The following ATRN variants were observed in gnomAD, a reference collection of about 807,000 sequenced individuals.
The protein encoded by ATRN is attractin.
Under a neutral mutation model 178.7 loss-of-function variants are expected in ATRN, and 54 were observed. The observed-to-expected ratio is 0.30, with a 90% confidence interval of 0.24 to 0.38. The LOEUF is 0.38. ATRN is among the 10% of genes least tolerant of loss of function. ATRN has a pLI of 1.00. For missense variants in ATRN, 1,443 were observed against 1,815.1 expected (o/e 0.79, Z 3.73); for synonymous variants, 636 against 663.0 (o/e 0.96, Z 0.63).
chr20:3,528,361 C>T (rs576104547), intron 1 of ATRN, among the ~76,000 whole-genome samples: 8 of 141,288 alleles, frequency 5.7e-5, no homozygotes, highest in South Asian at 2.1e-4. Flanking sequence ...GGCGAAACTC[C>T]GTCTCAAAAA....
intron 1 of ATRN, among the ~76,000 whole-genome samples, chr20:3,506,190 T>C (rs2085041482): frequency 6.6e-6 from 1 of 152,212 alleles, no homozygotes; most frequent in Admixed American, 6.5e-5. Flanking sequence ...TTTAAAATGT[T>C]GCCATTTAGG....
chr20:3,508,070 T>C (rs1438390133), intron 1 of ATRN, among the ~76,000 whole-genome samples: 1 of 151,876 alleles, frequency 6.6e-6, no homozygotes, highest in African/African-American at 2.4e-5. Flanking sequence ...AGAAAAAGGC[T>C]GGGCGTGATG....
At chr20:3,545,982 A>T in intron 4 of ATRN, 92 bp downstream of exon 4, 1 of 1,394,342 alleles carries the variant, frequency 7.2e-7, no homozygotes. Flanking sequence ...ATTGAGAGCC[A>T]GGCATAGCGT....
chr20:3,599,554 C>T (rs977035677), intron 22 of ATRN, among the ~76,000 whole-genome samples: 3 of 152,146 alleles, frequency 2.0e-5, no homozygotes, highest in Non-Finnish European at 4.4e-5. Context: ...TTGAGCAATA[C>T]AGGTTAAAAC....
intron 1 of ATRN, among the ~76,000 whole-genome samples, chr20:3,529,875 A>C (rs367788343): frequency 6.6e-6 from 1 of 152,214 alleles, no homozygotes; most frequent in Non-Finnish European, 1.5e-5. Flanking sequence ...ATGCAAACAG[A>C]TTATATATTG....
At chr20:3,565,159 C>T (rs12480859) in intron 10 of ATRN, among the ~76,000 whole-genome samples, 189 bp from the exon 11 acceptor site, 16,022 of 152,060 alleles carry the variant, frequency 0.11, 1,398 homozygotes, top group East Asian at 0.31. Context: ...GGTATGATCC[C>T]GCCTTTCTTC....
At chr20:3,604,045 C>A in intron 23 of ATRN, 60 bp from the exon 24 acceptor site, 1 of 1,415,666 alleles carries the variant, frequency 7.1e-7, no homozygotes, top group South Asian at 1.4e-5. Context: ...AGGCCAGATT[C>A]TGTTCTCCCC....
intron 1 of ATRN, among the ~76,000 whole-genome samples, chr20:3,493,648 A>G (rs2084838342): frequency 6.6e-6 from 1 of 152,092 alleles, no homozygotes; most frequent in Admixed American, 6.6e-5. Flanking sequence ...CTGTAAACCA[A>G]TGGACTTTCT....
chr20:3,487,491 A>C (rs1198388577), intron 1 of ATRN, among the ~76,000 whole-genome samples: 1 of 152,112 alleles, frequency 6.6e-6, no homozygotes, highest in Non-Finnish European at 1.5e-5. Flanking sequence ...TTGGCCTCCC[A>C]AAGTTAAATT....
At position 3,620,574 on chromosome 20, in the gene ATRN, T is replaced by A. The variant is rs370571438; in HGVS notation, c.3802-3937T>A. Among the ~76,000 whole-genome samples, 74 of 152,322 alleles carry A rather than the reference T, an allele frequency of 4.9e-4. 1 individual carries two copies. Among genetic ancestry groups the A allele is most frequent in the African/African-American group, 1.7e-3 (70 of 41,572 alleles). On this transcript the variant is annotated intron_variant, in intron 24 of 28. Coordinates refer to ENST00000262919, the MANE Select transcript of ATRN (RefSeq NM_139321.3). ...TTTAAATAATTTCTTACTTCAGAGT[T>A]TCCTGAAGTGTGGCCTATGGAGACT...
intron 15 of ATRN, among the ~76,000 whole-genome samples, chr20:3,579,026 A>G (rs1418852181): frequency 2.6e-5 from 4 of 152,226 alleles, no homozygotes; most frequent in African/African-American, 7.2e-5. Context: ...ATATGTGTAC[A>G]TAATCTGGTG....
chr20:3,508,603 CA>C (rs1233580840), intron 1 of ATRN, among the ~76,000 whole-genome samples: 1 of 152,108 alleles, frequency 6.6e-6, no homozygotes, highest in Non-Finnish European at 1.5e-5. Context: ...TGAACAAATA[CA>C]GAGGGGATTA....
chr20:3,471,056 C>G lies in ATRN; in HGVS notation c.-52C>G. ...GCACGGCCAGGCGAAGCGGAGCCGGCCGTGCGGTGTGTGTGTATGTGTTCG... is the reference window on the plus strand; with the variant it reads ...GCACGGCCAGGCGAAGCGGAGCCGGGCGTGCGGTGTGTGTGTATGTGTTCG... On this transcript the variant is annotated 5_prime_UTR_variant, in exon 1 of 29. Transcript: ENST00000262919. 6.8e-7 allele frequency: 1 copy of G among 1,461,378 alleles called. No homozygotes were observed. Among genetic ancestry groups the G allele is most frequent in the Non-Finnish European group, 9.0e-7 (1 of 1,113,464 alleles). 90.5% of individuals were successfully genotyped at this position (1,461,378 alleles called of 1,614,324 possible).
chr20:3,472,366 C>G (rs141199158), intron 1 of ATRN, among the ~76,000 whole-genome samples: 1 of 152,126 alleles, frequency 6.6e-6, no homozygotes, highest in Admixed American at 6.5e-5. Flanking sequence ...CGCACATAAC[C>G]CTAGTCATAA....
In ATRN at chr20:3,590,114, TA is replaced by T. The variant is rs1359633587; in HGVS notation, c.3185-1053del. 2.6e-5 allele frequency among the ~76,000 whole-genome samples: 4 copies of T among 152,144 alleles called. No homozygotes were observed. In the East Asian group the frequency reaches 7.7e-4, roughly 29 times the overall value. On this transcript the variant is annotated intron_variant, in intron 18 of 28. Coordinates refer to ENST00000262919, the MANE Select transcript of ATRN (RefSeq NM_139321.3). The stretch of plus-strand genomic sequence containing the variant: ...ACAGGCACCTGCCACCACCTCTGGC[TA>T]ATTTTTTGTATTTTTAGTAGAGACA...
chr20:3,526,855 G>A (rs866709704), intron 1 of ATRN, among the ~76,000 whole-genome samples: 4 of 152,172 alleles, frequency 2.6e-5, no homozygotes, highest in African/African-American at 9.7e-5. Context: ...AATAAATGGT[G>A]TCGGGAAAAC....
chr20:3,526,460 T>G (rs2013104857), intron 1 of ATRN, among the ~76,000 whole-genome samples: 1 of 152,098 alleles, frequency 6.6e-6, no homozygotes, highest in African/African-American at 2.4e-5. Flanking sequence ...TGGAAAACAT[T>G]CCATGCTCAT....
intron 19 of ATRN, among the ~76,000 whole-genome samples, chr20:3,591,722 A>G (rs1439495534): frequency 6.6e-6 from 1 of 152,172 alleles, no homozygotes; most frequent in Non-Finnish European, 1.5e-5. Flanking sequence ...GGTTGTGGGA[A>G]GGGCAAGGTG....
rs571731814 is a variant in ATRN at position 3,644,255 on chromosome 20, T to C, written c.4152T>C (p.Pro1384=). 4 of 1,613,316 alleles carry C rather than the reference T, an allele frequency of 2.5e-6. No homozygotes were observed. The South Asian group carries it at 4.4e-5, about 18-fold the overall frequency. ...CTCGAGGCCTGGGTGGCATCCCTCC[T>C]CCTGGGCAGTCAGGTGAGTAGATGC... is the stretch of plus-strand genomic sequence containing the variant. ...RLPRGLGGIP[P]PGQSGLAVAS... The change falls in exon 28 of 29, where the codon CCT becomes CCC. Residue 1384 remains proline, a synonymous_variant. Coordinates refer to ENST00000262919, the MANE Select transcript of ATRN (RefSeq NM_139321.3).
Sources: gnomAD v4.1 joint callset for allele counts (sites outside exome capture counted in the v4.1 genomes callset) on GRCh38, gnomAD v4.1.1 for gene constraint, MANE v1.5 for transcripts, NCBI Gene and HGNC (gene_info 2026-07-23, HGNC 2026-07-21) for gene names.